The following PGAM1 variants were observed in gnomAD, a reference collection of about 807,000 sequenced individuals.
PGAM1 encodes the protein BPG-dependent PGAM 1.
Under a neutral mutation model 23.5 loss-of-function variants are expected in PGAM1, and 21 were observed. That is an observed-to-expected ratio of 0.89 (90% CI 0.63 to 1.29). The LOEUF is 1.29. Ranked by LOEUF, PGAM1 falls within the 50% of genes most tolerant of loss-of-function variation. The pLI is 0.00. For missense variants in PGAM1, 232 were observed against 336.3 expected (o/e 0.69, Z 2.42); for synonymous variants, 109 against 128.6 (o/e 0.85, Z 1.03).
intron 1 of PGAM1, chr10:97,427,930 T>C (rs1845429854): frequency 8.0e-7 from 1 of 1,244,108 alleles, no homozygotes; most frequent in Non-Finnish European, 1.1e-6. Flanking sequence ...GACAGTCTGG[T>C]AAATGTAAAC....
chr10:97,427,929 G>C (rs1393653469), intron 1 of PGAM1: 2 of 888,808 alleles, frequency 2.3e-6, no homozygotes, highest in Non-Finnish European at 1.6e-6. Context: ...GGACAGTCTG[G>C]TAAATGTAAA....
At position 97,430,903 on chromosome 10, in the gene PGAM1, T is replaced by C; in HGVS notation, c.415-52T>C. Reference sequence around the variant, plus strand: ...CAAAATCGATACATCATGAAGTCTTTTAACAGATGTAACTCTTAATAAGTG... The same window carrying C: ...CAAAATCGATACATCATGAAGTCTTCTAACAGATGTAACTCTTAATAAGTG... On this transcript the variant is annotated intron_variant, in intron 2 of 3. Coordinates refer to ENST00000334828, the MANE Select transcript of PGAM1 (RefSeq NM_002629.4). 5.0e-6 allele frequency: 8 copies of C among 1,607,732 alleles called. No individual in the cohort carries two copies. The Admixed American group carries it at 5.0e-5, about 10-fold the overall frequency.
Position 97,426,283 on chromosome 10 carries a change from G to A in PGAM1, c.-25G>A. ...ACTCCGGAATCTGCTAATCCCAGTC[G>A]GTGCCGCATCCCCAGCCCGCCGCCA... On this transcript the variant is annotated 5_prime_UTR_variant, in exon 1 of 4. Transcript: ENST00000334828. 5.6e-6 allele frequency: 9 copies of A among 1,609,806 alleles called. No homozygotes were observed. The highest frequency in any genetic ancestry group is 7.6e-6 in the Non-Finnish European group (9 of 1,179,146).
intron 1 of PGAM1, 104 bp from the exon 2 acceptor site, chr10:97,430,275 C>A: frequency 7.1e-7 from 1 of 1,417,748 alleles, no homozygotes; most frequent in Non-Finnish European, 9.9e-7. Context: ...CTTTTTTGGC[C>A]AAATATTGTC....
rs760697097 is a variant in PGAM1 at position 97,430,553 on chromosome 10, C to T, written c.314C>T (p.Ala105Val). Reference sequence around the variant, plus strand: ...GGTCTCAATAAAGCAGAAACTGCTGCAAAGCATGGTGAGGCCCAGGTGAAG... The same window carrying T: ...GGTCTCAATAAAGCAGAAACTGCTGTAAAGCATGGTGAGGCCCAGGTGAAG... ...LTGLNKAETA[A>V]KHGEAQVKIW... is the part of the protein sequence containing the mutation. The change falls in exon 2 of 4, where the codon GCA becomes GTA. Residue 105 changes from alanine to valine, a missense_variant. Physicochemically the swap from Ala to Val is moderately conservative, Grantham distance 64. This residue lies in a region of PGAM1 where 191 missense variants were observed against 241.7 expected (regional missense o/e 0.79). Transcript: ENST00000334828. 6.2e-7 allele frequency: 1 copy of T among 1,600,864 alleles called. No homozygotes were observed. Among genetic ancestry groups the T allele is most frequent in the Non-Finnish European group, 8.5e-7 (1 of 1,179,840 alleles).
At position 97,432,494 on chromosome 10, in the gene PGAM1, T is replaced by G; in HGVS notation, c.735T>G (p.Ala245=). The G allele has an allele frequency of 6.2e-7, 1 of 1,607,350 alleles. No individual in the cohort carries two copies. Residue 245 remains alanine, a synonymous_variant, in exon 4 of 4, where the codon GCT becomes GCG. Coordinates refer to ENST00000334828, the MANE Select transcript of PGAM1 (RefSeq NM_002629.4). The part of the protein sequence containing the change: ...DEETVRKAME[A]VAAQGKAKK Reference sequence around the variant, plus strand: ...AGACGGTGCGCAAAGCCATGGAAGCTGTGGCTGCCCAGGGCAAGGCCAAGA... The same window carrying G: ...AGACGGTGCGCAAAGCCATGGAAGCGGTGGCTGCCCAGGGCAAGGCCAAGA...
chr10:97,429,606 C>A (rs2133131537), intron 1 of PGAM1, among the ~76,000 whole-genome samples: 1 of 152,258 alleles, frequency 6.6e-6, no homozygotes, highest in South Asian at 2.1e-4. Context: ...AACTTTGTGA[C>A]TACAGTAGAG....
chr10:97,427,187 C>T, intron 1 of PGAM1: 2 of 751,032 alleles, frequency 2.7e-6, no homozygotes, highest in Non-Finnish European at 3.2e-6. Context: ...GCAGCTGTAA[C>T]CAAGGCCTCT....
rs893710648 is a variant in PGAM1 at position 97,426,423 on chromosome 10, A to G, written c.116A>G (p.Lys39Arg). 4.4e-6 allele frequency: 7 copies of G among 1,603,048 alleles called. No individual in the cohort carries two copies. The highest frequency in any genetic ancestry group is 6.0e-6 in the Non-Finnish European group (7 of 1,175,902). The change falls in exon 1 of 4, where the codon AAG becomes AGG. Residue 39 changes from lysine (K) to arginine (R), a missense_variant. This residue lies in a region of PGAM1 where 38 missense variants were observed against 77.1 expected (regional missense o/e 0.49). Coordinates refer to ENST00000334828, the MANE Select transcript of PGAM1 (RefSeq NM_002629.4). ...AGCCCGGCGGGCCACGAGGAGGCGA[A>G]GCGCGGCGGGCAGGCGCTACGAGGT... ...DLSPAGHEEAKRGGQALRDAG... is the reference protein window; with the variant it reads ...DLSPAGHEEARRGGQALRDAG...
At position 97,432,838 on chromosome 10, in the gene PGAM1, T is replaced by C. The variant is rs954998671; in HGVS notation, c.*314T>C. On this transcript the variant is annotated 3_prime_UTR_variant, in exon 4 of 4. Coordinates refer to ENST00000334828, the MANE Select transcript of PGAM1 (RefSeq NM_002629.4). The stretch of plus-strand genomic sequence containing the variant: ...CGAGTGCTTTGTTTACTAAGGACTT[T>C]GGGGAGGAACCATGCTAAGCCATGA... The C allele has an allele frequency of 1.4e-5, 4 of 292,322 alleles. No individual in the cohort carries two copies. The highest frequency in any genetic ancestry group is 7.3e-5 in the African/African-American group (3 of 41,070). 18.1% of individuals were successfully genotyped at this position (292,322 alleles called of 1,614,324 possible). A position where few individuals can be genotyped will look rare whatever the true frequency, so the allele number is the denominator to read the frequency against.
intron 1 of PGAM1, among the ~76,000 whole-genome samples, 172 bp downstream of exon 1, chr10:97,426,618 G>T (rs1222686738): frequency 6.6e-6 from 1 of 152,276 alleles, no homozygotes; most frequent in African/African-American, 2.4e-5. Flanking sequence ...ACTTGTTCAA[G>T]GTCACGCCGT....
chr10:97,429,292 G>C (rs1845443614), intron 1 of PGAM1, among the ~76,000 whole-genome samples: 2 of 151,920 alleles, frequency 1.3e-5, no homozygotes. Context: ...TTTTAGTAGA[G>C]ACGGGGTTTC....
At position 97,433,337 on chromosome 10, in the gene PGAM1, A is replaced by G. The variant is rs1845492632; in HGVS notation, c.*813A>G. ...TGTATCTTTCACTGATTTCTGAATC[A>G]TGTTCTAGTTGCTTGACCCTGCCAC... On this transcript the variant is annotated 3_prime_UTR_variant, in exon 4 of 4. Coordinates refer to ENST00000334828, the MANE Select transcript of PGAM1 (RefSeq NM_002629.4). 1 of 152,088 alleles carries G rather than the reference A, an allele frequency of 6.6e-6. No individual in the cohort carries two copies. The highest frequency in any genetic ancestry group is 1.5e-5 in the Non-Finnish European group (1 of 67,944). The allele number at this position is 152,088 out of a possible 1,614,324, so 9.4% of individuals were successfully genotyped here.
intron 1 of PGAM1, 33 bp downstream of exon 1, chr10:97,426,479 C>G (rs1845411377): frequency 1.9e-6 from 3 of 1,539,330 alleles, no homozygotes; most frequent in Non-Finnish European, 2.6e-6. Context: ...CTGCGAAGGG[C>G]CGGGTGTCCG....
chr10:97,432,486 A>G lies in PGAM1; in HGVS notation c.727A>G (p.Met243Val), dbSNP rs758371273. The G allele has an allele frequency of 5.0e-6, 8 of 1,608,912 alleles. No individual in the cohort carries two copies. The highest frequency in any genetic ancestry group is 5.9e-6 in the Non-Finnish European group (7 of 1,177,482). The change falls in exon 4 of 4, where the codon ATG (methionine) becomes GTG (valine). Residue 243 changes from methionine (M) to valine (V), a missense_variant. Met to Val is a conservative substitution (Grantham distance 21). This residue lies in a region of PGAM1 where 3 missense variants were observed against 17.4 expected (regional missense o/e 0.17). Transcript: ENST00000334828. ...LGDEETVRKA[M>V]EAVAAQGKAK... ...GGATGAAGAGACGGTGCGCAAAGCC[A>G]TGGAAGCTGTGGCTGCCCAGGGCAA...
chr10:97,429,927 C>T (rs952275027), intron 1 of PGAM1, among the ~76,000 whole-genome samples: 49 of 151,698 alleles, frequency 3.2e-4, no homozygotes, highest in Non-Finnish European at 5.4e-4. Flanking sequence ...GCGCCTGTAT[C>T]CTCAGCTTAC....
At position 97,432,579 on chromosome 10, in the gene PGAM1, C is replaced by T. The variant is rs1037630935; in HGVS notation, c.*55C>T. Reference sequence around the variant, plus strand: ...AGCACCCTCCCTGCCCGTCTTGTCCCTCTGCCCCTCCCACCTGCACATGTC... The same window carrying T: ...AGCACCCTCCCTGCCCGTCTTGTCCTTCTGCCCCTCCCACCTGCACATGTC... On this transcript the variant is annotated 3_prime_UTR_variant, in exon 4 of 4. Coordinates refer to ENST00000334828, the MANE Select transcript of PGAM1 (RefSeq NM_002629.4). The T allele has an allele frequency of 1.4e-5, 14 of 1,018,950 alleles. No individual in the cohort carries two copies. The highest frequency in any genetic ancestry group is 2.1e-5 in the Non-Finnish European group (14 of 662,528). The allele number at this position is 1,018,950 out of a possible 1,614,324, so 63.1% of individuals were successfully genotyped here.
In PGAM1 at chr10:97,430,231, G is replaced by A. The variant is rs1328229088; in HGVS notation, c.140-148G>A. The A allele has an allele frequency of 3.1e-5, 29 of 933,952 alleles. No individual in the cohort carries two copies. In the East Asian group the frequency reaches 7.2e-4, roughly 23 times the overall value. The allele number at this position is 933,952 out of a possible 1,614,324, so 57.9% of individuals were successfully genotyped here. On this transcript the variant is annotated intron_variant, in intron 1 of 3. Coordinates refer to ENST00000334828, the MANE Select transcript of PGAM1 (RefSeq NM_002629.4). Reference sequence around the variant, plus strand: ...TAATAGCTGTGACCTTGGATAGAGTGCAAGGATAAACAAAACAGTTGGCCA... The same window carrying A: ...TAATAGCTGTGACCTTGGATAGAGTACAAGGATAAACAAAACAGTTGGCCA...
intron 1 of PGAM1, 21 bp downstream of exon 1, chr10:97,426,467 G>T (rs1396187289): frequency 6.4e-7 from 1 of 1,565,122 alleles, no homozygotes; most frequent in Non-Finnish European, 8.7e-7. Context: ...GCCGGGTGTG[G>T]GCTGCGAAGG....
Sources: allele counts gnomAD v4.1 joint callset (sites outside exome capture counted in the v4.1 genomes callset), GRCh38; gene constraint gnomAD v4.1.1; regional missense constraint gnomAD v4.1.1; transcripts MANE v1.5; gene names NCBI Gene and HGNC (gene_info 2026-07-23, HGNC 2026-07-21).